ZNF721: variants seen among roughly 807,000 people sequenced by gnomAD.
ZNF721 encodes the protein zinc finger protein 721.
Under a neutral mutation model 2.4 loss-of-function variants are expected in ZNF721, and 2 were observed. That is an observed-to-expected ratio of 0.82 (90% CI 0.34 to 2.58). The LOEUF (loss-of-function observed/expected upper bound fraction) is 2.58. Among genes scored for constraint, ZNF721 ranks in the 30% most tolerant of loss-of-function variants. The pLI, the probability that ZNF721 is intolerant of heterozygous loss-of-function variation, is 0.11. For missense variants in ZNF721, 1,187 were observed against 1,085.5 expected, an observed-to-expected ratio of 1.09 and a Z score of -1.31; for synonymous variants, 398 against 381.8, an observed-to-expected ratio of 1.04 and a Z score of -0.50.
intron 1 of ZNF721, among the ~76,000 whole-genome samples, chr4:485,031 G>C (rs1264377300): frequency 6.6e-6 from 1 of 152,042 alleles, no homozygotes; most frequent in East Asian, 1.9e-4. Flanking sequence ...TATTTCTCAA[G>C]CCGGCCGACA....
At chr4:472,429 G>T (rs1170669672) in intron 2 of ZNF721, 146 bp downstream of exon 2, 2 of 883,110 alleles carry the variant, frequency 2.3e-6, no homozygotes, top group African/African-American at 1.7e-5. Context: ...ACAATGTTAA[G>T]AATTTACTAT....
In ZNF721 at chr4:443,499, T is replaced by G. The variant is rs1553863662; in HGVS notation, c.968A>C (p.His323Pro). Reference protein sequence around the residue: ...AFRQSANLYVHRRIHTGEKPY... With the variant: ...AFRQSANLYVPRRIHTGEKPY... The stretch of plus-strand genomic sequence containing the variant: ...TTTCTCTCCAGTATGAATTCTCCTA[T>G]GTACATAAAGGTTTGCGGACTGTCT... The change falls in exon 3 of 3, where the codon CAT becomes CCT. Residue 323 changes from histidine to proline, a missense_variant. Physicochemically the swap from His to Pro is moderately conservative, Grantham distance 77. Coordinates refer to ENST00000511833, the MANE Select transcript of ZNF721 (RefSeq NM_133474.4). 2.5e-6 allele frequency: 4 copies of G among 1,613,942 alleles called. No individual in the cohort carries two copies. The highest frequency in any genetic ancestry group is 1.7e-5 in the Admixed American group (1 of 60,028).
intron 1 of ZNF721, among the ~76,000 whole-genome samples, chr4:479,344 G>A (rs1201711588): frequency 1.3e-5 from 2 of 152,074 alleles, no homozygotes; most frequent in African/African-American, 2.4e-5. Flanking sequence ...CATCATGCAC[G>A]TGGTGGTCCT....
chr4:462,879 C>T (rs1553866274), intron 2 of ZNF721, among the ~76,000 whole-genome samples: 1 of 152,132 alleles, frequency 6.6e-6, no homozygotes. Context: ...AAAGCAATGG[C>T]AACAAAAGCC....
chr4:487,031 ATCC>A (rs1319660107), intron 1 of ZNF721, among the ~76,000 whole-genome samples: 1 of 152,220 alleles, frequency 6.6e-6, no homozygotes, highest in African/African-American at 2.4e-5. Context: ...GCCAACGTTG[ATCC>A]TGAGTCCCAG....
Position 442,038 on chromosome 4 carries a change from T to C in ZNF721, c.2429A>G (p.Lys810Arg). The C allele has an allele frequency of 6.2e-7, 1 of 1,613,946 alleles. No individual in the cohort carries two copies. The highest frequency in any genetic ancestry group is 1.1e-5 in the South Asian group (1 of 91,072). ...KRIHTGEKPF[K>R]CLECGKAFTS... ...AAACGCTTTACCACATTCTAAACATTTAAAGGGTTTCTCACCTGTATGAAT... is the reference window on the plus strand; with the variant it reads ...AAACGCTTTACCACATTCTAAACATCTAAAGGGTTTCTCACCTGTATGAAT... The change falls in exon 3 of 3, where the codon AAA becomes AGA. Residue 810 changes from lysine to arginine, a missense_variant. Lys to Arg is a conservative substitution (Grantham distance 26, BLOSUM62 2). Transcript: ENST00000511833.
chr4:442,352 G>T lies in ZNF721; in HGVS notation c.2115C>A (p.Ala705=). 1 of 1,613,998 alleles carries T rather than the reference G, an allele frequency of 6.2e-7. No individual in the cohort carries two copies. Among genetic ancestry groups the T allele is most frequent in the Non-Finnish European group, 8.5e-7 (1 of 1,179,928 alleles). ...KPYKCEECGK[A]FSRSRNLTTH... is the part of the protein sequence containing the mutation. ...TAGTAAGGTTTCTTGACCTACTAAAGGCTTTGCCACACTCTTCACATTTGT... is the reference window on the plus strand; with the variant it reads ...TAGTAAGGTTTCTTGACCTACTAAATGCTTTGCCACACTCTTCACATTTGT... The change falls in exon 3 of 3, where the codon GCC becomes GCA. Residue 705 remains alanine (A), a synonymous_variant. Transcript: ENST00000511833.
intron 2 of ZNF721, among the ~76,000 whole-genome samples, chr4:452,212 G>A (rs1553864924): frequency 6.6e-6 from 1 of 152,198 alleles, no homozygotes; most frequent in African/African-American, 2.4e-5. Context: ...TAAAACTGAA[G>A]AACTAGTCGG....
chr4:470,716 A>AAAAAT (rs1336944833), intron 2 of ZNF721, among the ~76,000 whole-genome samples: 5 of 152,110 alleles, frequency 3.3e-5, no homozygotes, highest in South Asian at 4.1e-4. Flanking sequence ...CTGTGTCTCA[A>AAAAAT]AAAATAAAAT....
intron 1 of ZNF721, among the ~76,000 whole-genome samples, chr4:492,590 C>T (rs1490260024): frequency 1.3e-5 from 2 of 149,464 alleles, no homozygotes; most frequent in Non-Finnish European, 3.0e-5. Context: ...TTAAAGACAA[C>T]TTGATCATAT....
chr4:451,907 T>C lies in ZNF721; in HGVS notation c.35-7475A>G, dbSNP rs191127304. Among the ~76,000 whole-genome samples, 49 of 152,238 alleles carry C rather than the reference T, an allele frequency of 3.2e-4. No individual in the cohort carries two copies. The East Asian group carries it at 5.4e-3, about 17-fold the overall frequency. On this transcript the variant is annotated intron_variant, in intron 2 of 2. Transcript: ENST00000511833. ...CCAAGGGAACTGGCCTTTTTGAAAA[T>C]TGGGAATCTAAATTAGTGCATTTTG... is the stretch of plus-strand genomic sequence containing the variant.
At position 495,609 on chromosome 4, in the gene ZNF721, C is replaced by CTT. The variant is rs201123776; in HGVS notation, c.-94+3445_-94+3446dup. ...TTTTAGAGGAAGTTTGCCATTTCTT[C>CTT]TTTTTTTTTTGAGACGGAATCTCAC... On this transcript the variant is annotated intron_variant, in intron 1 of 2. Coordinates refer to ENST00000511833, the MANE Select transcript of ZNF721 (RefSeq NM_133474.4). Among the ~76,000 whole-genome samples the CTT allele has an allele frequency of 7.0e-3, 1,037 of 148,916 alleles. 31 individuals carry two copies. The East Asian group carries it at 0.097, about 14-fold the overall frequency.
At chr4:445,118 G>A (rs536743543) in intron 2 of ZNF721, among the ~76,000 whole-genome samples, 3 of 151,332 alleles carry the variant, frequency 2.0e-5, no homozygotes, top group Admixed American at 6.6e-5. Context: ...CCCAATAGCT[G>A]GGACTACAGG....
At chr4:447,316 C>T (rs370443307) in intron 2 of ZNF721, among the ~76,000 whole-genome samples, 9 of 151,506 alleles carry the variant, frequency 5.9e-5, no homozygotes, top group Admixed American at 4.6e-4. Context: ...AGCAAGACTC[C>T]GTCTCAAAAT....
chr4:473,951 G>A, intron 1 of ZNF721: 1 of 1,504,620 alleles, frequency 6.6e-7, no homozygotes, highest in Non-Finnish European at 9.0e-7. Flanking sequence ...GGCCTCCCCA[G>A]CCTTGGGACG....
chr4:451,224 C>T (rs1714650140), intron 2 of ZNF721, among the ~76,000 whole-genome samples: 2 of 152,028 alleles, frequency 1.3e-5, no homozygotes, highest in Admixed American at 6.6e-5. Context: ...AACATGGACA[C>T]AAACAATGGT....
At chr4:471,037 T>C (rs1715417181) in intron 2 of ZNF721, among the ~76,000 whole-genome samples, 1 of 150,518 alleles carries the variant, frequency 6.6e-6, no homozygotes, top group African/African-American at 2.4e-5. Context: ...ATATCCAAAA[T>C]GTTTAAGAAA....
At chr4:472,406 T>A (rs782310568) in intron 2 of ZNF721, among the ~76,000 whole-genome samples, 169 bp downstream of exon 2, 2 of 152,258 alleles carry the variant, frequency 1.3e-5, no homozygotes, top group Non-Finnish European at 2.9e-5. Context: ...TTACAGTTTC[T>A]GAGAATCTAT....
intron 2 of ZNF721, among the ~76,000 whole-genome samples, chr4:455,846 T>C (rs1260499565): frequency 6.6e-6 from 1 of 152,126 alleles, no homozygotes; most frequent in African/African-American, 2.4e-5. Flanking sequence ...GACTGTACAC[T>C]TGAAAACCTT....
Sources: allele counts gnomAD v4.1 joint callset (sites outside exome capture counted in the v4.1 genomes callset), GRCh38; gene constraint gnomAD v4.1.1; transcripts MANE v1.5; gene names NCBI Gene and HGNC (gene_info 2026-07-23, HGNC 2026-07-21).